Variants in SLC25A29 observed in about 807,000 individuals in gnomAD.
SLC25A29 encodes the protein mitochondrial basic amino acids transporter.
SLC25A29 carries 13 observed loss-of-function variants against 10.0 expected under a neutral mutation model. That is an observed-to-expected ratio of 1.30 (90% confidence interval 0.85 to 2.07). SLC25A29 has a LOEUF of 2.07. Ranked by LOEUF, SLC25A29 falls within the 30% of genes most tolerant of loss-of-function variation. SLC25A29 has a pLI of 0.00. For synonymous variants in SLC25A29, 244 were observed against 221.1 expected (o/e 1.10, Z -0.92); for missense variants, 475 against 447.6 (o/e 1.06, Z -0.55).
rs1183956652 is a variant in SLC25A29 at position 100,292,012 on chromosome 14, G to T, written c.*271C>A. On this transcript the variant is annotated 3_prime_UTR_variant, in exon 4 of 4. Coordinates refer to ENST00000359232, the MANE Select transcript of SLC25A29 (RefSeq NM_001039355.3). ...CCAGGATAACGGTGCAATGGCCTCA[G>T]CCAGGCCAGGTGCTGGCTGCTGCTG... is the stretch of plus-strand genomic sequence containing the variant. 3 of 488,672 alleles carry T rather than the reference G, an allele frequency of 6.1e-6. No individual in the cohort carries two copies. Among genetic ancestry groups the T allele is most frequent in the Non-Finnish European group, 1.1e-5 (3 of 274,330 alleles). 30.3% of individuals were successfully genotyped at this position (488,672 alleles called of 1,614,324 possible). A position where few individuals can be genotyped will look rare whatever the true frequency, so the allele number is the denominator to read the frequency against.
At chr14:100,284,726 G>A in the SLC25A29 span, among the ~76,000 whole-genome samples, 3 of 152,226 alleles carry the variant, frequency 2.0e-5, no homozygotes, top group South Asian at 2.1e-4. Context: ...TCTGGAGGAA[G>A]GAGGATAAGG....
chr14:100,298,721 C>T (rs1892337042), intron 2 of SLC25A29, 121 bp downstream of exon 2: 3 of 1,264,254 alleles, frequency 2.4e-6, no homozygotes, highest in Non-Finnish European at 3.5e-6. Flanking sequence ...TCAACCCGGC[C>T]TGGTGTAAAA....
At chr14:100,299,235 C>T (rs1892380598) in intron 1 of SLC25A29, 1 of 1,133,466 alleles carries the variant, frequency 8.8e-7, no homozygotes, top group Non-Finnish European at 1.1e-6. Context: ...TCCCATTAAT[C>T]CAAACACCTG....
At chr14:100,285,562 C>T in the SLC25A29 span, among the ~76,000 whole-genome samples, 1 of 151,908 alleles carries the variant, frequency 6.6e-6, no homozygotes, top group Non-Finnish European at 1.5e-5. Context: ...GTGTGGGGTC[C>T]CCGCGAGCCG....
the SLC25A29 span, among the ~76,000 whole-genome samples, chr14:100,285,684 C>A: frequency 6.6e-6 from 1 of 152,076 alleles, no homozygotes; most frequent in African/African-American, 2.4e-5. Context: ...CTGCCCGAGG[C>A]CTCGGGCGGA....
chr14:100,298,595 G>GAGAAAACCTCAGC, intron 2 of SLC25A29: 1 of 583,216 alleles, frequency 1.7e-6, no homozygotes, highest in South Asian at 2.0e-5. Flanking sequence ...CTCTGGGTGG[G>GAGAAAACCTCAGC]AGAAAACCTC....
chr14:100,291,081 C>T, downstream of SLC25A29: 1 of 152,334 alleles, frequency 6.6e-6, no homozygotes, highest in East Asian at 1.9e-4. Context: ...GAATGAAGCC[C>T]TTTCCTCCAC....
Position 100,293,003 on chromosome 14 carries a change from C to T in SLC25A29, c.192G>A (p.Ser64=). 6 of 1,579,430 alleles carry T rather than the reference C, an allele frequency of 3.8e-6. No homozygotes were observed. Among genetic ancestry groups the T allele is most frequent in the Non-Finnish European group, 4.3e-6 (5 of 1,164,084 alleles). The part of the protein sequence containing the change: ...SVLGLYKGLG[S]PLMGLTFINA... ...TGATGAAGGTGAGCCCCATGAGCGG[C>T]GAGCCCAGGCCCTTGTACAGGCCCA... Residue 64 remains serine, a synonymous_variant, in exon 4 of 4, where the codon TCG becomes TCA. Transcript: ENST00000359232.
downstream of SLC25A29, among the ~76,000 whole-genome samples, chr14:100,288,431 T>C (rs1319912612): frequency 6.0e-5 from 9 of 149,422 alleles, no homozygotes; most frequent in Admixed American, 6.0e-4. Flanking sequence ...CTGTTTTGAT[T>C]AGACATACTG....
chr14:100,295,700 A>C, intron 2 of SLC25A29: 1 of 1,289,542 alleles, frequency 7.8e-7, no homozygotes, highest in South Asian at 1.2e-5. Flanking sequence ...GACAGCCCCT[A>C]GCTCAGAAAG....
At chr14:100,297,059 G>A (rs1474508347) in intron 2 of SLC25A29, among the ~76,000 whole-genome samples, 5 of 152,008 alleles carry the variant, frequency 3.3e-5, no homozygotes, top group African/African-American at 9.7e-5. Flanking sequence ...GTAAGCCAAG[G>A]TCGCGCCACT....
intron 1 of SLC25A29, among the ~76,000 whole-genome samples, chr14:100,302,503 G>A (rs546446727): frequency 5.3e-5 from 8 of 152,000 alleles, no homozygotes; most frequent in African/African-American, 1.9e-4. Context: ...GGGACTACAG[G>A]TGCGTGCCAC....
intron 1 of SLC25A29, chr14:100,299,341 C>T: frequency 2.0e-6 from 2 of 1,021,312 alleles, no homozygotes; most frequent in Non-Finnish European, 2.4e-6. Context: ...GGCGTGCTCA[C>T]AAATGACTCT....
rs752999407 is a variant in SLC25A29, at chr14:100,292,821, G to C, written c.374C>G (p.Ala125Gly). Residue 125 changes from alanine (A) to glycine (G), a missense_variant, in exon 4 of 4, where the codon GCG (alanine) becomes GGG (glycine). Coordinates refer to ENST00000359232, the MANE Select transcript of SLC25A29 (RefSeq NM_001039355.3). ...LAKTRLQLQDAGPARTYKGSL... is the reference protein window; with the variant it reads ...LAKTRLQLQDGGPARTYKGSL... ...GCCCTTGTAGGTGCGCGCTGGGCCC[G>C]CGTCCTGCAGCTGCAGCCGCGTCTT... The C allele has an allele frequency of 3.1e-6, 5 of 1,590,202 alleles. No homozygotes were observed. Among genetic ancestry groups the C allele is most frequent in the Non-Finnish European group, 4.3e-6 (5 of 1,170,624 alleles).
chr14:100,290,303 T>G, downstream of SLC25A29, among the ~76,000 whole-genome samples: 1 of 152,188 alleles, frequency 6.6e-6, no homozygotes, highest in East Asian at 1.9e-4. Context: ...CCCCTCTCTG[T>G]GCCCATGGCC....
downstream of SLC25A29, among the ~76,000 whole-genome samples, chr14:100,288,001 C>T (rs1044413983): frequency 6.6e-6 from 1 of 152,130 alleles, no homozygotes; most frequent in Non-Finnish European, 1.5e-5. Flanking sequence ...AGGTCAGAGA[C>T]CAGAGGTCAA....
the SLC25A29 span, among the ~76,000 whole-genome samples, chr14:100,285,044 C>CGGG: frequency 5.4e-3 from 434 of 80,792 alleles, 3 homozygotes; most frequent in African/African-American, 6.6e-3. Flanking sequence ...TCTAAAAAAG[C>CGGG]GGGGGGGGGC....
Position 100,292,389 on chromosome 14 carries a change from A to G in SLC25A29, c.806T>C (p.Val269Ala). 3 of 1,565,030 alleles carry G rather than the reference A, an allele frequency of 1.9e-6. No individual in the cohort carries two copies. Among genetic ancestry groups the G allele is most frequent in the African/African-American group, 1.3e-5 (1 of 74,180 alleles). ...GCGCGCGTAGGTGAGCACCACCGTG[A>G]CGGTGGCGAAGGTGGCAGCGTTGAC... is the stretch of plus-strand genomic sequence containing the variant. ...FPVNAATFATVTVVLTYARGE... is the reference protein window; with the variant it reads ...FPVNAATFATATVVLTYARGE... Residue 269 changes from valine to alanine, a missense_variant, in exon 4 of 4, where the codon GTC (valine) becomes GCC (alanine). Coordinates refer to ENST00000359232, the MANE Select transcript of SLC25A29 (RefSeq NM_001039355.3).
At chr14:100,301,344 T>G (rs1442415303) in intron 1 of SLC25A29, among the ~76,000 whole-genome samples, 1 of 151,784 alleles carries the variant, frequency 6.6e-6, no homozygotes, top group Non-Finnish European at 1.5e-5. Flanking sequence ...TTTTGTATTT[T>G]TAGTAGAGAA....
Sources: allele counts gnomAD v4.1 joint callset (sites outside exome capture counted in the v4.1 genomes callset), GRCh38; gene constraint gnomAD v4.1.1; transcripts MANE v1.5; gene names NCBI Gene and HGNC (gene_info 2026-07-23, HGNC 2026-07-21).